Variants in CASD1 observed in about 807,000 individuals in gnomAD.
The protein encoded by CASD1 is CAS1 domain sialic acid O acetyltransferase 1.
Under a neutral mutation model 100.0 loss-of-function variants are expected in CASD1, and 41 were observed. The ratio of observed to expected loss-of-function variants is 0.41; its 90% CI spans 0.32 to 0.53. CASD1 has a LOEUF of 0.53. Ranked by LOEUF, CASD1 falls within the 20% of genes least tolerant of loss-of-function variation. CASD1 has a pLI of 0.25. For synonymous variants in CASD1, 321 were observed against 315.6 expected, an observed-to-expected ratio of 1.02 and a Z score of -0.18; for missense variants, 774 against 948.7, an observed-to-expected ratio of 0.82 and a Z score of 2.42.
intron 13 of CASD1, 52 bp downstream of exon 13, chr7:94,547,227 A>C: frequency 1.5e-6 from 2 of 1,312,524 alleles, no homozygotes; most frequent in Non-Finnish European, 2.1e-6. Context: ...TTTAAAGTTC[A>C]AGTCTATTAA....
At chr7:94,560,315 ACTTT>A (rs948081561), downstream of CASD1, among the ~76,000 whole-genome samples, 1 of 152,184 alleles carries the variant, frequency 6.6e-6, no homozygotes, top group Non-Finnish European at 1.5e-5. Context: ...AGAATTCAGC[ACTTT>A]CTTTCCTTGA....
chr7:94,585,486 C>G, the CASD1 span: 1 of 1,606,810 alleles, frequency 6.2e-7, no homozygotes, highest in Non-Finnish European at 8.5e-7. Context: ...TTGCTTCAGT[C>G]AGTTTTCTTT....
the CASD1 span, among the ~76,000 whole-genome samples, chr7:94,634,050 C>A: frequency 2.0e-5 from 3 of 152,256 alleles, no homozygotes; most frequent in East Asian, 1.9e-4. Context: ...CTTCTGAAAT[C>A]TTTGAGAAGA....
chr7:94,576,021 A>G, the CASD1 span, among the ~76,000 whole-genome samples: 1 of 152,062 alleles, frequency 6.6e-6, no homozygotes, highest in Non-Finnish European at 1.5e-5. Context: ...GTTTTTCATA[A>G]AAGTTTTGGA....
Position 94,555,821 on chromosome 7 carries a change from A to G in CASD1, c.*63A>G. On this transcript the variant is annotated 3_prime_UTR_variant, in exon 18 of 18. Transcript: ENST00000297273. ...ACCTTTGTGTGTCTCTAGAAGAGAA[A>G]AGCATCTATCTGGAGATATAAATGT... The G allele has an allele frequency of 6.7e-7, 1 of 1,481,540 alleles. No individual in the cohort carries two copies. The highest frequency in any genetic ancestry group is 9.1e-7 in the Non-Finnish European group (1 of 1,095,866). 91.8% of individuals were successfully genotyped at this position (1,481,540 alleles called of 1,614,324 possible).
At position 94,549,566 on chromosome 7, in the gene CASD1, T is replaced by C; in HGVS notation, c.1747T>C (p.Leu583=). The C allele has an allele frequency of 6.2e-7, 1 of 1,611,504 alleles. No homozygotes were observed. Among genetic ancestry groups the C allele is most frequent in the Non-Finnish European group, 8.5e-7 (1 of 1,178,574 alleles). The change falls in exon 14 of 18, where the codon TTG becomes CTG. Residue 583 remains leucine, a synonymous_variant. Transcript: ENST00000297273. ...TGAGAAGATCTTTTCTCTTTGGCCA[T>C]TGTCCAAGTGTTTTGAACTGAAAGG... ...AFEKIFSLWP[L]SKCFELKGNV...
At chr7:94,624,673 T>C in the CASD1 span, 1 of 153,706 alleles carries the variant, frequency 6.5e-6, no homozygotes, top group African/African-American at 2.4e-5. Flanking sequence ...AACTTAATCA[T>C]TTGAAAAGTT....
chr7:94,513,175 A>G (rs1793801223), intron 1 of CASD1, among the ~76,000 whole-genome samples: 1 of 151,864 alleles, frequency 6.6e-6, no homozygotes, highest in Non-Finnish European at 1.5e-5. Flanking sequence ...CTTCTTCTTC[A>G]ATTAGCTGGG....
At chr7:94,594,223 A>T in the CASD1 span, among the ~76,000 whole-genome samples, 1 of 152,274 alleles carries the variant, frequency 6.6e-6, no homozygotes, top group South Asian at 2.1e-4. Flanking sequence ...CACAACAATG[A>T]TTCTTTGGGC....
intron 1 of CASD1, among the ~76,000 whole-genome samples, chr7:94,515,273 T>C (rs1793920268): frequency 1.3e-5 from 2 of 152,248 alleles, no homozygotes; most frequent in South Asian, 4.1e-4. Context: ...AACATCTTTG[T>C]GTTATGAAAT....
the CASD1 span, among the ~76,000 whole-genome samples, chr7:94,611,434 G>A: frequency 7.1e-5 from 10 of 140,320 alleles, no homozygotes; most frequent in Admixed American, 7.8e-4. Context: ...AAAATGTCCA[G>A]AATAGGCACA....
At chr7:94,536,805 C>T (rs987982684) in intron 8 of CASD1, among the ~76,000 whole-genome samples, 11 of 152,194 alleles carry the variant, frequency 7.2e-5, no homozygotes, top group Admixed American at 2.6e-4. Flanking sequence ...TAGACAGACT[C>T]AACTTTCCCA....
intron 10 of CASD1, among the ~76,000 whole-genome samples, chr7:94,542,645 T>G (rs1795469953): frequency 6.6e-6 from 1 of 152,170 alleles, no homozygotes; most frequent in Admixed American, 6.5e-5. Context: ...CAACTTTTCA[T>G]GAAAAGGATC....
At chr7:94,526,006 A>T (rs1794546955) in intron 3 of CASD1, among the ~76,000 whole-genome samples, 1 of 152,182 alleles carries the variant, frequency 6.6e-6, no homozygotes, top group African/African-American at 2.4e-5. Context: ...GGTTACAAGA[A>T]GTTGTAGTGT....
At chr7:94,518,384 A>T in intron 3 of CASD1, 61 bp downstream of exon 3, 2 of 1,398,596 alleles carry the variant, frequency 1.4e-6, no homozygotes, top group Non-Finnish European at 1.9e-6. Context: ...GAATAGTTAC[A>T]GGAGGAGTGT....
chr7:94,606,297 G>A, the CASD1 span, among the ~76,000 whole-genome samples: 1 of 152,134 alleles, frequency 6.6e-6, no homozygotes, highest in East Asian at 1.9e-4. Flanking sequence ...GATATACTAT[G>A]CTAACAATAA....
At chr7:94,592,461 T>C in the CASD1 span, among the ~76,000 whole-genome samples, 1 of 152,172 alleles carries the variant, frequency 6.6e-6, no homozygotes, top group Non-Finnish European at 1.5e-5. Flanking sequence ...TAATGATTAT[T>C]AGACTAAGTG....
At chr7:94,609,113 A>G in the CASD1 span, among the ~76,000 whole-genome samples, 1 of 152,258 alleles carries the variant, frequency 6.6e-6, no homozygotes, top group Non-Finnish European at 1.5e-5. Context: ...AGACACTGCC[A>G]GTAGTACAAA....
chr7:94,631,299 T>C, the CASD1 span, among the ~76,000 whole-genome samples: 2 of 119,936 alleles, frequency 1.7e-5, no homozygotes, highest in Admixed American at 7.5e-5. Context: ...AATTTTATAC[T>C]TTTTTTTTTT....
Sources: allele counts gnomAD v4.1 joint callset (sites outside exome capture counted in the v4.1 genomes callset), GRCh38; gene constraint gnomAD v4.1.1; transcripts MANE v1.5; gene names NCBI Gene and HGNC (gene_info 2026-07-23, HGNC 2026-07-21).